Variants in CFAP54 observed in about 807,000 individuals in gnomAD.
CFAP54 encodes the protein cilia and flagella associated protein 54.
In CFAP54, 290 loss-of-function variants were observed where a neutral mutation model predicts 370.4. The observed-to-expected ratio is 0.78, with a 90% CI of 0.71 to 0.86. The LOEUF is 0.86. Among genes scored for constraint, CFAP54 ranks in the 40% least tolerant of loss-of-function variants. The probability of loss-of-function intolerance (pLI) is 0.00; values close to 1 mark genes in which losing one functional copy is unlikely to be tolerated. For synonymous variants in CFAP54, 1,206 were observed against 1,236.5 expected (o/e 0.98, Z 0.52); for missense variants, 3,399 against 3,528.7 (o/e 0.96, Z 0.93).
intron 36 of CFAP54, among the ~76,000 whole-genome samples, chr12:96,656,581 A>C (rs1164013799): frequency 5.3e-5 from 8 of 152,204 alleles, no homozygotes; most frequent in Non-Finnish European, 1.2e-4. Context: ...GGGTTTCTCC[A>C]TGTTGGTCAG....
Position 96,632,415 on chromosome 12 carries a change from T to G in CFAP54, c.4316+1764T>G, listed in dbSNP as rs117866159. ...TTTCACATTTAGGAATTTCATTAAT[T>G]TGTTTTTGCGTATGGTGAGAAGATG... is the stretch of plus-strand genomic sequence containing the variant. On this transcript the variant is annotated intron_variant, in intron 32 of 67. Coordinates refer to ENST00000524981, the MANE Select transcript of CFAP54 (RefSeq NM_001306084.2). Among the ~76,000 whole-genome samples the G allele has an allele frequency of 4.7e-4, 71 of 152,136 alleles. No individual in the cohort carries two copies. The East Asian group carries it at 0.012, about 26-fold the overall frequency.
At chr12:96,521,523 TGTGTGTGTGTGTGTGTGTGTGTGTGC>T (rs1292072554) in intron 6 of CFAP54, among the ~76,000 whole-genome samples, 2 of 115,766 alleles carry the variant, frequency 1.7e-5, no homozygotes, top group African/African-American at 7.5e-5. Flanking sequence ...TGTGTGTGTG[TGTGTGTGTGTGTGTGTGTGTGTGTGC>T]GCGTGCGCAC....
At chr12:96,522,033 A>G in intron 7 of CFAP54, 55 bp from the exon 8 acceptor site, 2 of 1,521,308 alleles carry the variant, frequency 1.3e-6, no homozygotes, top group Non-Finnish European at 8.8e-7. Context: ...AATACTTAGT[A>G]GTTGGGAAGT....
intron 60 of CFAP54, among the ~76,000 whole-genome samples, chr12:96,779,654 AT>A (rs1401774295): frequency 6.7e-6 from 1 of 148,346 alleles, no homozygotes; most frequent in Non-Finnish European, 1.5e-5. Flanking sequence ...TTATATATTA[AT>A]TTATATATTA....
chr12:96,733,941 C>T (rs1957952104), intron 50 of CFAP54, among the ~76,000 whole-genome samples: 1 of 152,128 alleles, frequency 6.6e-6, no homozygotes, highest in Non-Finnish European at 1.5e-5. Context: ...GCTGAGTTAG[C>T]CTTGGAAACT....
intron 17 of CFAP54, among the ~76,000 whole-genome samples, chr12:96,557,897 G>A (rs1955771763): frequency 6.6e-6 from 1 of 152,098 alleles, no homozygotes; most frequent in Non-Finnish European, 1.5e-5. Context: ...TATCAGGTAT[G>A]CAGGTAGTCC....
chr12:96,762,366 A>G (rs1051703525), intron 58 of CFAP54, among the ~76,000 whole-genome samples: 4 of 152,192 alleles, frequency 2.6e-5, no homozygotes, highest in African/African-American at 7.2e-5. Context: ...CTGCAAAGAA[A>G]GACACTTTAC....
chr12:96,841,798 T>C (rs1322210131), intron 66 of CFAP54, among the ~76,000 whole-genome samples: 3 of 152,240 alleles, frequency 2.0e-5, no homozygotes, highest in Non-Finnish European at 4.4e-5. Flanking sequence ...AAGCAATGTA[T>C]CTTGGTTGAC....
chr12:96,775,182 C>T (rs899003433), intron 60 of CFAP54, among the ~76,000 whole-genome samples: 8 of 152,078 alleles, frequency 5.3e-5, no homozygotes, highest in African/African-American at 9.7e-5. Context: ...GTAATCCTGA[C>T]GCTTTGGGAA....
intron 40 of CFAP54, among the ~76,000 whole-genome samples, chr12:96,683,946 C>T (rs1385291756): frequency 6.6e-6 from 1 of 152,132 alleles, no homozygotes; most frequent in African/African-American, 2.4e-5. Context: ...CATGTGCCAT[C>T]ACACTTGGGT....
At chr12:96,594,180 C>A in intron 24 of CFAP54, 111 bp from the exon 25 acceptor site, 27 of 653,544 alleles carry the variant, frequency 4.1e-5, no homozygotes, top group Admixed American at 3.3e-5. Flanking sequence ...AAAATACAAA[C>A]ACTCATGTTG....
At chr12:96,611,006 A>G (rs815878) in intron 26 of CFAP54, among the ~76,000 whole-genome samples, 1 of 151,900 alleles carries the variant, frequency 6.6e-6, no homozygotes, top group Admixed American at 6.5e-5. Flanking sequence ...CTGCAGACTT[A>G]AATTTCCCTG....
intron 66 of CFAP54, among the ~76,000 whole-genome samples, chr12:96,829,812 C>T (rs975221497): frequency 2.6e-5 from 4 of 152,190 alleles, no homozygotes; most frequent in South Asian, 4.1e-4. Context: ...CTGTCTATCA[C>T]TGTCCAGAAC....
chr12:96,638,199 AT>A (rs1956681469), intron 32 of CFAP54, among the ~76,000 whole-genome samples: 1 of 135,432 alleles, frequency 7.4e-6, no homozygotes, highest in Non-Finnish European at 1.6e-5. Flanking sequence ...ATATATATAT[AT>A]ATGCATGTGT....
chr12:96,823,749 T>A (rs1828827746), intron 65 of CFAP54, among the ~76,000 whole-genome samples: 2 of 152,056 alleles, frequency 1.3e-5, no homozygotes, highest in African/African-American at 4.8e-5. Flanking sequence ...AATGGATAAA[T>A]GGTGAAAGGA....
chr12:96,794,824 T>C lies in CFAP54; in HGVS notation c.8850+2325T>C, dbSNP rs368629896. 7.9e-5 allele frequency among the ~76,000 whole-genome samples: 12 copies of C among 152,314 alleles called. No individual in the cohort carries two copies. The South Asian group carries it at 1.2e-3, about 16-fold the overall frequency. On this transcript the variant is annotated intron_variant, in intron 63 of 67. Transcript: ENST00000524981. Reference sequence around the variant, plus strand: ...GGTGTTAAAGAATCTTGTTTTGTCATATTACCAGAATTGTTTTTCTGGTTT... The same window carrying C: ...GGTGTTAAAGAATCTTGTTTTGTCACATTACCAGAATTGTTTTTCTGGTTT...
chr12:96,592,130 A>G (rs1956131791), intron 23 of CFAP54, among the ~76,000 whole-genome samples: 3 of 152,134 alleles, frequency 2.0e-5, no homozygotes, highest in East Asian at 3.9e-4. Flanking sequence ...GTTAGCGTGA[A>G]TGAAAGAAAG....
chr12:96,601,455 T>C (rs1182319272), intron 26 of CFAP54, among the ~76,000 whole-genome samples: 2 of 152,244 alleles, frequency 1.3e-5, no homozygotes, highest in Non-Finnish European at 2.9e-5. Context: ...GGTATCAGCA[T>C]GATGCTGACC....
chr12:96,791,285 T>C (rs958353621), intron 62 of CFAP54, among the ~76,000 whole-genome samples: 27 of 152,122 alleles, frequency 1.8e-4, no homozygotes, highest in Admixed American at 8.5e-4. Flanking sequence ...GTCCTTTTTT[T>C]AGACTTGAAA....
Sources: allele counts gnomAD v4.1 joint callset (sites outside exome capture counted in the v4.1 genomes callset), GRCh38; gene constraint gnomAD v4.1.1; transcripts MANE v1.5; gene names NCBI Gene and HGNC (gene_info 2026-07-23, HGNC 2026-07-21).